HECW2: variants seen among roughly 807,000 people sequenced by gnomAD.
HECW2 encodes HECT, C2 and WW domain containing E3 ubiquitin protein ligase 2, also known as E3 ubiquitin-protein ligase HECW2.
A neutral mutation model predicts 175.2 loss-of-function variants in HECW2; 61 were observed. The observed-to-expected ratio is 0.35, with a 90% CI of 0.28 to 0.43. The LOEUF (loss-of-function observed/expected upper bound fraction) is 0.43, where lower values mean the gene tolerates loss of function less well. Ranked by LOEUF, HECW2 falls within the 20% of genes least tolerant of loss-of-function variation. HECW2 has a pLI of 1.00. For missense variants in HECW2, 1,524 were observed against 2,000.5 expected, an observed-to-expected ratio of 0.76 and a Z score of 4.54; for synonymous variants, 671 against 731.0, an observed-to-expected ratio of 0.92 and a Z score of 1.32.
chr2:196,275,481 C>T (rs771957735), intron 15 of HECW2, among the ~76,000 whole-genome samples: 10 of 152,142 alleles, frequency 6.6e-5, no homozygotes, highest in Non-Finnish European at 8.8e-5. Context: ...GGGCCAGGCA[C>T]GGTGGCTCAC....
intron 7 of HECW2, 49 bp downstream of exon 7, chr2:196,322,429 C>T (rs1169592861): frequency 2.6e-6 from 4 of 1,515,134 alleles, no homozygotes; most frequent in Admixed American, 2.1e-5. Flanking sequence ...GTCATTTTTT[C>T]CTATATGAAC....
At chr2:196,579,321 A>G (rs886759791) in intron 1 of HECW2, among the ~76,000 whole-genome samples, 2 of 152,122 alleles carry the variant, frequency 1.3e-5, no homozygotes, top group Admixed American at 1.3e-4. Context: ...ACACAAGATA[A>G]GACAGTAATG....
At chr2:196,497,731 C>T (rs1362503666) in intron 1 of HECW2, among the ~76,000 whole-genome samples, 1 of 152,138 alleles carries the variant, frequency 6.6e-6, no homozygotes, top group Non-Finnish European at 1.5e-5. Context: ...AAAATATTAC[C>T]CTAACTTACC....
intron 2 of HECW2, among the ~76,000 whole-genome samples, chr2:196,414,286 C>T (rs901321757): frequency 1.3e-4 from 20 of 152,198 alleles, no homozygotes; most frequent in Non-Finnish European, 2.5e-4. Context: ...CTTTACTCAG[C>T]CAGAGTCAGC....
chr2:196,420,435 C>T (rs1456784328), intron 2 of HECW2, among the ~76,000 whole-genome samples: 1 of 152,128 alleles, frequency 6.6e-6, no homozygotes, highest in Non-Finnish European at 1.5e-5. Flanking sequence ...CTTGACTTTA[C>T]AAATAATGAT....
intron 1 of HECW2, among the ~76,000 whole-genome samples, chr2:196,528,268 A>G (rs1668748140): frequency 6.6e-6 from 1 of 152,212 alleles, no homozygotes; most frequent in Admixed American, 6.5e-5. Flanking sequence ...AATTATATAA[A>G]CGCATTACCA....
chr2:196,373,867 C>T (rs1402668703), intron 2 of HECW2, among the ~76,000 whole-genome samples: 1 of 151,798 alleles, frequency 6.6e-6, no homozygotes, highest in Admixed American at 6.6e-5. Flanking sequence ...CCCGTCTCTA[C>T]TAAAAATACA....
intron 14 of HECW2, chr2:196,289,627 C>T (rs1313131545): frequency 6.6e-6 from 1 of 152,188 alleles, no homozygotes; most frequent in Admixed American, 6.5e-5. Flanking sequence ...GGTTGAAACT[C>T]CCATGCTGAT....
chr2:196,332,403 A>G (rs183681045), intron 4 of HECW2, among the ~76,000 whole-genome samples: 1 of 152,332 alleles, frequency 6.6e-6, no homozygotes, highest in Admixed American at 6.5e-5. Context: ...ACATAGACCA[A>G]ACTGTCTCAA....
rs1575251106 is a variant in HECW2 at position 196,225,852 on chromosome 2, C to G, written c.3936G>C (p.Arg1312Ser). 1 of 1,611,582 alleles carries G rather than the reference C, an allele frequency of 6.2e-7. No individual in the cohort carries two copies. The change falls in exon 23 of 29, where the codon AGG becomes AGC. Residue 1312 changes from arginine to serine, a missense_variant. Arg to Ser is a moderately radical substitution (Grantham distance 110). This residue lies in a region of HECW2 where 16 missense variants were observed against 23.9 expected (regional missense o/e 0.67). Coordinates refer to ENST00000644978, the MANE Select transcript of HECW2 (RefSeq NM_001348768.2). The part of the protein sequence containing the change: ...NHHEWFRFSG[R>S]ILGLALIHQY... Reference sequence around the variant, plus strand: ...GGTGTATTAGTGCAAGACCAAGGATCCTACCACTGAATCGGAACCTGTGAA... The same window carrying G: ...GGTGTATTAGTGCAAGACCAAGGATGCTACCACTGAATCGGAACCTGTGAA...
At chr2:196,529,839 T>G (rs969865593) in intron 1 of HECW2, among the ~76,000 whole-genome samples, 2 of 152,236 alleles carry the variant, frequency 1.3e-5, no homozygotes, top group Non-Finnish European at 1.5e-5. Context: ...TTTGGCCATT[T>G]TCTTATTGGA....
At chr2:196,271,768 T>A (rs1689749627) in intron 16 of HECW2, among the ~76,000 whole-genome samples, 1 of 152,110 alleles carries the variant, frequency 6.6e-6, no homozygotes, top group African/African-American at 2.4e-5. Flanking sequence ...CAACAAAAAA[T>A]AAATAAATGA....
At chr2:196,232,363 T>C (rs1338087255) in intron 21 of HECW2, among the ~76,000 whole-genome samples, 1 of 152,204 alleles carries the variant, frequency 6.6e-6, no homozygotes, top group Non-Finnish European at 1.5e-5. Context: ...CCCCTATACA[T>C]ACATACTAGT....
At chr2:196,519,794 A>C (rs928271045) in intron 1 of HECW2, among the ~76,000 whole-genome samples, 4 of 152,220 alleles carry the variant, frequency 2.6e-5, no homozygotes, top group African/African-American at 9.6e-5. Flanking sequence ...TTTACTTTAA[A>C]ATACGAGAAC....
intron 2 of HECW2, among the ~76,000 whole-genome samples, chr2:196,371,893 T>A (rs2105903978): frequency 6.6e-6 from 1 of 152,358 alleles, no homozygotes; most frequent in East Asian, 1.9e-4. Flanking sequence ...TCTGTGAATC[T>A]ACCAACTTCT....
chr2:196,435,186 T>C (rs1407070266), intron 1 of HECW2, among the ~76,000 whole-genome samples: 1 of 152,268 alleles, frequency 6.6e-6, no homozygotes, highest in Non-Finnish European at 1.5e-5. Flanking sequence ...CTCAGTTCAA[T>C]GGTTTTAAAT....
intron 1 of HECW2, among the ~76,000 whole-genome samples, chr2:196,580,607 A>G (rs1249032135): frequency 2.0e-5 from 3 of 152,022 alleles, no homozygotes; most frequent in Non-Finnish European, 4.4e-5. Context: ...TCATGGAAAT[A>G]CAAACGAAAA....
intron 1 of HECW2, among the ~76,000 whole-genome samples, chr2:196,532,826 A>C (rs1288926937): frequency 1.3e-5 from 2 of 152,144 alleles, no homozygotes; most frequent in Admixed American, 6.5e-5. Context: ...AGGAGAGCAA[A>C]GAGGTGGGGA....
chr2:196,274,965 C>T (rs1689888363), intron 15 of HECW2, among the ~76,000 whole-genome samples: 1 of 152,220 alleles, frequency 6.6e-6, no homozygotes, highest in African/African-American at 2.4e-5. Context: ...ACACACTGTA[C>T]TGGATTTATA....
Sources: allele counts gnomAD v4.1 joint callset (sites outside exome capture counted in the v4.1 genomes callset), GRCh38; gene constraint gnomAD v4.1.1; regional missense constraint gnomAD v4.1.1; transcripts MANE v1.5; gene names NCBI Gene and HGNC (gene_info 2026-07-23, HGNC 2026-07-21).